C1orf52: variants seen among roughly 807,000 people sequenced by gnomAD.
C1orf52 encodes the protein chromosome 1 open reading frame 52, also known as UPF0690 protein C1orf52.
C1orf52 carries 5 observed loss-of-function variants against 17.2 expected under a neutral mutation model. That is an observed-to-expected ratio of 0.29 (90% CI 0.15 to 0.61). The LOEUF is 0.61. C1orf52 is among the 20% of genes least tolerant of loss of function. The probability of loss-of-function intolerance (pLI) is 0.85; values close to 1 mark genes in which losing one functional copy is unlikely to be tolerated. For missense variants in C1orf52, 245 were observed against 234.1 expected (o/e 1.05, Z -0.30); for synonymous variants, 110 against 88.0 (o/e 1.25, Z -1.40).
rs550548871 is a variant in C1orf52 at position 85,250,325 on chromosome 1, G to A, written c.*2304C>T. ...AACAATCAGAAGTATCAAGTGACTC[G>A]ATTCTCTAAAATGAAAGATACTTGG... On this transcript the variant is annotated 3_prime_UTR_variant, in exon 3 of 3. Coordinates refer to ENST00000471115, the MANE Select transcript of C1orf52 (RefSeq NM_198077.4). 1 of 152,198 alleles carries A rather than the reference G, an allele frequency of 6.6e-6. No individual in the cohort carries two copies. The highest frequency in any genetic ancestry group is 2.1e-4 in the South Asian group (1 of 4,810). 9.4% of individuals were successfully genotyped at this position (152,198 alleles called of 1,614,324 possible).
rs1198355833 is a variant in C1orf52, at chr1:85,252,387, G to A, written c.*242C>T. ...AAAGCATGTCACCAATTCTGTGAGA[G>A]CAAGAATGCATCCAAGTGTTATCAA... On this transcript the variant is annotated 3_prime_UTR_variant, in exon 3 of 3. Coordinates refer to ENST00000471115, the MANE Select transcript of C1orf52 (RefSeq NM_198077.4). 9 of 432,610 alleles carry A rather than the reference G, an allele frequency of 2.1e-5. No homozygotes were observed. Among genetic ancestry groups the A allele is most frequent in the Middle Eastern group, 6.3e-4 (1 of 1,586 alleles). The allele number at this position is 432,610 out of a possible 1,614,324, so 26.8% of individuals were successfully genotyped here.
intron 2 of C1orf52, among the ~76,000 whole-genome samples, chr1:85,255,855 T>C (rs1318954109): frequency 6.6e-6 from 1 of 152,228 alleles, no homozygotes; most frequent in Admixed American, 6.5e-5. Flanking sequence ...TGCCTGTATT[T>C]GTTTTCCAAT....
rs1660043826 is a variant in C1orf52 at position 85,259,635 on chromosome 1, A to T, written c.-2T>A. The T allele has an allele frequency of 6.5e-7, 1 of 1,544,326 alleles. No homozygotes were observed. ...AGGGTCCTTCTCCTCCGCTGCCATG[A>T]CGGCTGCGAGCGACAACCCAGCACT... is the stretch of plus-strand genomic sequence containing the variant. On this transcript the variant is annotated 5_prime_UTR_variant, in exon 1 of 3. Transcript: ENST00000471115.
intron 2 of C1orf52, among the ~76,000 whole-genome samples, chr1:85,256,443 C>T (rs1233324806): frequency 6.6e-6 from 1 of 152,216 alleles, no homozygotes; most frequent in African/African-American, 2.4e-5. Flanking sequence ...TTCCACATTT[C>T]TCTATCTTAT....
chr1:85,252,929 G>GT (rs756779121), intron 2 of C1orf52, among the ~76,000 whole-genome samples: 7 of 151,888 alleles, frequency 4.6e-5, no homozygotes, highest in Admixed American at 1.3e-4. Flanking sequence ...AATTCACAAA[G>GT]TAACTCTTTA....
rs191401542 is a variant in C1orf52, at chr1:85,250,912, A to T, written c.*1717T>A. 1.3e-5 allele frequency: 2 copies of T among 152,266 alleles called. No homozygotes were observed. Among genetic ancestry groups the T allele is most frequent in the Non-Finnish European group, 2.9e-5 (2 of 68,046 alleles). 9.4% of individuals were successfully genotyped at this position (152,266 alleles called of 1,614,324 possible). A position where few individuals can be genotyped will look rare whatever the true frequency, so the allele number is the denominator to read the frequency against. On this transcript the variant is annotated 3_prime_UTR_variant, in exon 3 of 3. Transcript: ENST00000471115. ...ATTACAAAGACTACAATCTTAAAAA[A>T]ACATATTCTTGCTTTAGCAATTACT...
chr1:85,255,316 C>G (rs1659908658), intron 2 of C1orf52, among the ~76,000 whole-genome samples: 1 of 152,134 alleles, frequency 6.6e-6, no homozygotes, highest in South Asian at 2.1e-4. Flanking sequence ...CTTTGGGAGG[C>G]TGAAGCGGGC....
chr1:85,255,795 T>TTACAGTGGGTTTATGA (rs143170037), intron 2 of C1orf52, among the ~76,000 whole-genome samples: 121,419 of 152,046 alleles, frequency 0.8, 48,642 homozygotes, highest in African/African-American at 0.84. Context: ...ATAATTGATT[T>TTACAGTGGGTTTATGA]TATAGGAATC....
rs1659772352 is a variant in C1orf52 at position 85,250,387 on chromosome 1, C to A, written c.*2242G>T. On this transcript the variant is annotated 3_prime_UTR_variant, in exon 3 of 3. Coordinates refer to ENST00000471115, the MANE Select transcript of C1orf52 (RefSeq NM_198077.4). ...TTCTTATGTATATGGATTTTTAAGA[C>A]TTTTCCCCACTAGGTTTCCACTAGC... The A allele has an allele frequency of 6.6e-6, 1 of 152,168 alleles. No individual in the cohort carries two copies. Among genetic ancestry groups the A allele is most frequent in the South Asian group, 2.1e-4 (1 of 4,828 alleles). 9.4% of individuals were successfully genotyped at this position (152,168 alleles called of 1,614,324 possible).
chr1:85,256,571 G>A (rs568058460), intron 2 of C1orf52, among the ~76,000 whole-genome samples: 4 of 151,978 alleles, frequency 2.6e-5, no homozygotes, highest in African/African-American at 7.2e-5. Flanking sequence ...AGGCCAAGGC[G>A]GGCAGATCAC....
chr1:85,257,507 G>C (rs897218348), intron 2 of C1orf52: 1 of 715,400 alleles, frequency 1.4e-6, no homozygotes, highest in South Asian at 1.5e-5. Flanking sequence ...TGTGGACAGG[G>C]AGAAAGGGCC....
Position 85,259,353 on chromosome 1 carries a change from C to T in C1orf52, c.276+5G>A, listed in dbSNP as rs376999834. ...GAGACCGAGAAACGGGGTCGGGGAC[C>T]TCACCTCCTCAGGCGCCTTGACGAC... On this transcript the variant is annotated splice_donor_5th_base_variant and intron_variant, in intron 1 of 2. Coordinates refer to ENST00000471115, the MANE Select transcript of C1orf52 (RefSeq NM_198077.4). 6.2e-7 allele frequency: 1 copy of T among 1,607,540 alleles called. No individual in the cohort carries two copies. The highest frequency in any genetic ancestry group is 1.3e-5 in the African/African-American group (1 of 74,760).
chr1:85,253,113 TA>T (rs943701662), intron 2 of C1orf52, among the ~76,000 whole-genome samples: 1 of 152,194 alleles, frequency 6.6e-6, no homozygotes, highest in African/African-American at 2.4e-5. Flanking sequence ...TTTCTGTCTC[TA>T]GTGATAAGCA....
chr1:85,250,800 T>A lies in C1orf52; in HGVS notation c.*1829A>T, dbSNP rs1557776754. The stretch of plus-strand genomic sequence containing the variant: ...ACTTCACAAATATAACTTGATTTGG[T>A]TGTGTTTGGTGTCATGTACATACTA... On this transcript the variant is annotated 3_prime_UTR_variant, in exon 3 of 3. Coordinates refer to ENST00000471115, the MANE Select transcript of C1orf52 (RefSeq NM_198077.4). 6.6e-6 allele frequency: 1 copy of A among 152,244 alleles called. No individual in the cohort carries two copies. The highest frequency in any genetic ancestry group is 1.5e-5 in the Non-Finnish European group (1 of 68,044). The allele number at this position is 152,244 out of a possible 1,614,324, so 9.4% of individuals were successfully genotyped here.
At chr1:85,258,456 T>C in intron 2 of C1orf52, 68 bp downstream of exon 2, 4 of 1,299,522 alleles carry the variant, frequency 3.1e-6, no homozygotes, top group Non-Finnish European at 4.3e-6. Context: ...ATTCATTAAA[T>C]ATCTCATTCT....
Position 85,259,367 on chromosome 1 carries a change from C to A in C1orf52, c.267G>T (p.Ala89=), listed in dbSNP as rs768195544. Residue 89 remains alanine (A), a synonymous_variant, in exon 1 of 3, where the codon GCG becomes GCT. Transcript: ENST00000471115. ...QIDWERHVVK[A]PEEPPKEFKI... ...GGGTCGGGGACCTCACCTCCTCAGGCGCCTTGACGACGTGCCTCTCCCAGT... is the reference window on the plus strand; with the variant it reads ...GGGTCGGGGACCTCACCTCCTCAGGAGCCTTGACGACGTGCCTCTCCCAGT... 2 of 1,610,920 alleles carry A rather than the reference C, an allele frequency of 1.2e-6. No homozygotes were observed. Among genetic ancestry groups the A allele is most frequent in the South Asian group, 1.1e-5 (1 of 91,014 alleles).
intron 2 of C1orf52, among the ~76,000 whole-genome samples, chr1:85,257,058 A>G (rs1441182247): frequency 2.0e-5 from 3 of 152,242 alleles, no homozygotes; most frequent in Admixed American, 6.5e-5. Flanking sequence ...AAACGGGCTA[A>G]GTAGCCCTTG....
At chr1:85,258,276 T>A (rs962949648) in intron 2 of C1orf52, among the ~76,000 whole-genome samples, 2 of 152,248 alleles carry the variant, frequency 1.3e-5, no homozygotes, top group Non-Finnish European at 2.9e-5. Context: ...GATATTTTAC[T>A]TTAAAGCCTG....
At position 85,255,713 on chromosome 1, in the gene C1orf52, A is replaced by C. The variant is rs78414260; in HGVS notation, c.475+2811T>G. ...AATAAAAAAGTCACTTGCTAATCTA[A>C]AATCTGGGTAAGAGTGTAGAGTTTC... On this transcript the variant is annotated intron_variant, in intron 2 of 2. Transcript: ENST00000471115. 7.4e-3 allele frequency among the ~76,000 whole-genome samples: 1,132 copies of C among 152,312 alleles called. 9 individuals are homozygous for C. The highest frequency in any genetic ancestry group is 0.014 in the Middle Eastern group (4 of 294).
Sources: allele counts gnomAD v4.1 joint callset (sites outside exome capture counted in the v4.1 genomes callset), GRCh38; gene constraint gnomAD v4.1.1; transcripts MANE v1.5; gene names NCBI Gene and HGNC (gene_info 2026-07-23, HGNC 2026-07-21).